PCLO: variants seen among roughly 807,000 people sequenced by gnomAD.
The protein encoded by PCLO is piccolo presynaptic cytomatrix protein, also known as protein piccolo.
A neutral mutation model predicts 427.5 loss-of-function variants in PCLO; 82 were observed. The observed-to-expected ratio is 0.19, with a 90% CI of 0.16 to 0.23. The LOEUF (loss-of-function observed/expected upper bound fraction) is 0.23. Ranked by LOEUF, PCLO falls within the 10% of genes least tolerant of loss-of-function variation. PCLO has a pLI of 1.00. For missense variants in PCLO, 6,239 were observed against 6,115.9 expected, an observed-to-expected ratio of 1.02 and a Z score of -0.67; for synonymous variants, 2,357 against 2,155.4, an observed-to-expected ratio of 1.09 and a Z score of -2.59.
At chr7:82,781,614 T>C (rs1350067952) in intron 22 of PCLO, among the ~76,000 whole-genome samples, 1 of 152,170 alleles carries the variant, frequency 6.6e-6, no homozygotes, top group Non-Finnish European at 1.5e-5. Flanking sequence ...CCCACAGCCC[T>C]TATTACAGTC....
In PCLO at chr7:83,162,510, C is replaced by T; in HGVS notation, c.83G>A (p.Gly28Glu). ...AAAAAGGGAS[G>E]AGSPSHTAIP... ...CGCGGTGTGAGAGGGGCTCCCCGCC[C>T]CGCTAGCTCCTCCTCCAGCCGCTGC... is the stretch of plus-strand genomic sequence containing the variant. Residue 28 changes from glycine (G) to glutamate (E), a missense_variant, in exon 1 of 25, where the codon GGG becomes GAG. Physicochemically the swap from Gly to Glu is moderately conservative, Grantham distance 98 (BLOSUM62 -2). Coordinates refer to ENST00000333891, the MANE Select transcript of PCLO (RefSeq NM_033026.6). 6.4e-7 allele frequency: 1 copy of T among 1,562,488 alleles called. No homozygotes were observed. Among genetic ancestry groups the T allele is most frequent in the African/African-American group, 1.4e-5 (1 of 73,646 alleles).
chr7:82,808,176 CAT>C (rs1427889407), intron 20 of PCLO, among the ~76,000 whole-genome samples: 6 of 151,808 alleles, frequency 4.0e-5, no homozygotes, highest in African/African-American at 1.4e-4. Flanking sequence ...GAATGGAAGA[CAT>C]TAATTTCATC....
chr7:82,977,307 T>A (rs1229342167), intron 3 of PCLO, among the ~76,000 whole-genome samples: 1 of 151,708 alleles, frequency 6.6e-6, no homozygotes, highest in African/African-American at 2.4e-5. Context: ...TTGAACAATA[T>A]ATGAATAGTT....
At chr7:83,093,462 A>ATGTGTGTG (rs199740692) in intron 3 of PCLO, among the ~76,000 whole-genome samples, 1,143 of 91,502 alleles carry the variant, frequency 0.012, 17 homozygotes, top group East Asian at 0.022. Flanking sequence ...AAACATATAT[A>ATGTGTGTG]TGTGTGTGTG....
chr7:82,963,321 T>C (rs1584227694), intron 4 of PCLO, among the ~76,000 whole-genome samples: 3 of 152,082 alleles, frequency 2.0e-5, no homozygotes, highest in Admixed American at 6.5e-5. Flanking sequence ...TTTAAAATCA[T>C]TTGTTGAAAA....
At chr7:82,933,067 G>T (rs1010966580) in intron 6 of PCLO, among the ~76,000 whole-genome samples, 1 of 151,776 alleles carries the variant, frequency 6.6e-6, no homozygotes, top group Non-Finnish European at 1.5e-5. Flanking sequence ...ACCTTTCTAG[G>T]TTATTTTCTG....
In PCLO at chr7:82,966,321, A is replaced by G; in HGVS notation, c.3467T>C (p.Leu1156Ser). The G allele has an allele frequency of 6.2e-7, 1 of 1,613,488 alleles. No homozygotes were observed. Among genetic ancestry groups the G allele is most frequent in the Non-Finnish European group, 8.5e-7 (1 of 1,179,790 alleles). ...QKTAVPPQVK[L>S]VKKQEQEVKT... ...TACTTCTTGTTCTTGCTTTTTCACT[A>G]ATTTTACTTGGGGAGGCACTGCTGT... The change falls in exon 4 of 25, where the codon TTA becomes TCA. Residue 1156 changes from leucine to serine, a missense_variant. Physicochemically the swap from Leu to Ser is moderately radical, Grantham distance 145. Coordinates refer to ENST00000333891, the MANE Select transcript of PCLO (RefSeq NM_033026.6).
intron 3 of PCLO, among the ~76,000 whole-genome samples, chr7:83,077,575 A>G (rs896090053): frequency 2.0e-5 from 3 of 152,144 alleles, no homozygotes; most frequent in African/African-American, 7.2e-5. Flanking sequence ...AACTCTAACC[A>G]CAAATAAAAA....
At chr7:82,856,724 G>T (rs1330978262) in intron 10 of PCLO, among the ~76,000 whole-genome samples, 1 of 152,128 alleles carries the variant, frequency 6.6e-6, no homozygotes, top group Admixed American at 6.6e-5. Context: ...AGAATGCTCA[G>T]AATGGATGTT....
At position 82,879,367 on chromosome 7, in the gene PCLO, T is replaced by C. The variant is rs1363656209; in HGVS notation, c.13624A>G (p.Ser4542Gly). ...AYIAKILPGGSAEQTGKLMEG... is the reference protein window; with the variant it reads ...AYIAKILPGGGAEQTGKLMEG... Reference sequence around the variant, plus strand: ...ATAAGCTTCCCCGTCTGTTCCGCACTTCCCCCAGGAAGAATCTTGGCAATA... The same window carrying C: ...ATAAGCTTCCCCGTCTGTTCCGCACCTCCCCCAGGAAGAATCTTGGCAATA... Residue 4542 changes from serine (S) to glycine (G), a missense_variant, in exon 10 of 25, where the codon AGT (serine) becomes GGT (glycine). Ser to Gly is a moderately conservative substitution (Grantham distance 56, BLOSUM62 0). Transcript: ENST00000333891. The C allele has an allele frequency of 3.1e-6, 5 of 1,612,730 alleles. No individual in the cohort carries two copies. Among genetic ancestry groups the C allele is most frequent in the Non-Finnish European group, 4.2e-6 (5 of 1,179,112 alleles).
chr7:83,089,009 A>G (rs1036586762), intron 3 of PCLO, among the ~76,000 whole-genome samples: 3 of 152,130 alleles, frequency 2.0e-5, no homozygotes, highest in Non-Finnish European at 4.4e-5. Flanking sequence ...CTTCAATAGA[A>G]TTATATCACA....
intron 6 of PCLO, among the ~76,000 whole-genome samples, chr7:82,929,272 A>T: frequency 6.6e-6 from 1 of 152,194 alleles, no homozygotes; most frequent in East Asian, 1.9e-4. Context: ...GTTGCATATA[A>T]AATATCTTAT....
intron 3 of PCLO, among the ~76,000 whole-genome samples, chr7:83,000,753 C>A (rs1787803483): frequency 6.6e-6 from 1 of 151,650 alleles, no homozygotes; most frequent in Non-Finnish European, 1.5e-5. Flanking sequence ...CAGCTTTAGA[C>A]AAAAGGAAAC....
In PCLO at chr7:82,955,395, C is replaced by T. The variant is rs749164770; in HGVS notation, c.5558G>A (p.Arg1853Lys). Residue 1853 changes from arginine (R) to lysine (K), a missense_variant, in exon 5 of 25, where the codon AGA becomes AAA. Transcript: ENST00000333891. ...AGGTGAATATTCAGAACAAGAAGAT[C>T]TATGGAGCTCCTCCATTTCTGCAGC... Reference protein sequence around the residue: ...RQAAEMEELHRSSCSEYSPSI... With the variant: ...RQAAEMEELHKSSCSEYSPSI... The T allele has an allele frequency of 3.7e-6, 6 of 1,613,774 alleles. No homozygotes were observed. In the Admixed American group the frequency reaches 5.0e-5, roughly 13 times the overall value.
At chr7:83,119,100 G>T (rs527605469) in intron 3 of PCLO, among the ~76,000 whole-genome samples, 5 of 152,254 alleles carry the variant, frequency 3.3e-5, no homozygotes, top group African/African-American at 9.6e-5. Flanking sequence ...GACCCATTCT[G>T]GGAACCTGCT....
At chr7:82,990,201 T>C (rs543201597) in intron 3 of PCLO, among the ~76,000 whole-genome samples, 102 of 152,142 alleles carry the variant, frequency 6.7e-4, no homozygotes, top group African/African-American at 2.3e-3. Flanking sequence ...TACAAGACTA[T>C]TGAGGATCTA....
At chr7:82,796,333 G>A (rs992110428) in intron 22 of PCLO, among the ~76,000 whole-genome samples, 8 of 152,026 alleles carry the variant, frequency 5.3e-5, no homozygotes, top group Non-Finnish European at 1.2e-4. Flanking sequence ...AGGTGATAAG[G>A]TCCAGGGAAA....
chr7:83,082,261 T>C lies in PCLO; in HGVS notation c.3300+51989A>G, dbSNP rs192697297. 2.4e-4 allele frequency among the ~76,000 whole-genome samples: 36 copies of C among 151,760 alleles called. 2 individuals carry two copies. The East Asian group carries it at 6.6e-3, about 28-fold the overall frequency. On this transcript the variant is annotated intron_variant, in intron 3 of 24. Transcript: ENST00000333891. ...TTTTATTTTTGACTTATAATACTTA[T>C]ATATATTTTATAGATGTTTCATACA... is the stretch of plus-strand genomic sequence containing the variant.
At chr7:82,940,929 A>AT (rs754148731) in intron 6 of PCLO, among the ~76,000 whole-genome samples, 1 of 151,092 alleles carries the variant, frequency 6.6e-6, no homozygotes, top group East Asian at 2.0e-4. Context: ...CGCCCGGCTA[A>AT]TTTTTTGTAT....
Sources: gnomAD v4.1 joint callset for allele counts (sites outside exome capture counted in the v4.1 genomes callset) on GRCh38, gnomAD v4.1.1 for gene constraint, MANE v1.5 for transcripts, NCBI Gene and HGNC (gene_info 2026-07-23, HGNC 2026-07-21) for gene names.